Variants in TM9SF4 observed in about 807,000 individuals in gnomAD.
The protein encoded by TM9SF4 is dinucleotide oxidase disulfide thiol exchanger 3 superfamily member 4.
A neutral mutation model predicts 90.4 loss-of-function variants in TM9SF4; 26 were observed. The observed-to-expected ratio is 0.29, with a 90% CI of 0.21 to 0.40. The LOEUF is 0.40. Ranked by LOEUF, TM9SF4 falls within the 10% of genes least tolerant of loss-of-function variation. The probability of loss-of-function intolerance (pLI) is 1.00; values close to 1 mark genes in which losing one functional copy is unlikely to be tolerated. For synonymous variants in TM9SF4, 293 were observed against 315.4 expected (o/e 0.93, Z 0.75); for missense variants, 549 against 834.8 (o/e 0.66, Z 4.22).
intron 12 of TM9SF4, among the ~76,000 whole-genome samples, chr20:32,151,372 C>T (rs905112812): frequency 1.3e-5 from 2 of 152,028 alleles, no homozygotes; most frequent in African/African-American, 4.8e-5. Context: ...AGCAGAAAAG[C>T]GCGTAGCAAC....
chr20:32,152,866 A>G (rs1317588123), intron 12 of TM9SF4, among the ~76,000 whole-genome samples: 1 of 152,236 alleles, frequency 6.6e-6, no homozygotes, highest in African/African-American at 2.4e-5. Flanking sequence ...AAGTAGGGGC[A>G]GGTGTGTTGT....
At chr20:32,111,780 G>A (rs1015908250) in intron 1 of TM9SF4, among the ~76,000 whole-genome samples, 1 of 152,190 alleles carries the variant, frequency 6.6e-6, no homozygotes, top group Admixed American at 6.5e-5. Flanking sequence ...GAAATGGCAA[G>A]TGTAAGGGGC....
intron 9 of TM9SF4, among the ~76,000 whole-genome samples, chr20:32,148,494 G>A (rs1001329670): frequency 6.6e-6 from 1 of 151,982 alleles, no homozygotes; most frequent in Non-Finnish European, 1.5e-5. Context: ...AAAGCAGGAG[G>A]ATCACTTGAG....
intron 1 of TM9SF4, among the ~76,000 whole-genome samples, chr20:32,127,758 G>A (rs1490086792): frequency 6.6e-6 from 1 of 152,188 alleles, no homozygotes; most frequent in Non-Finnish European, 1.5e-5. Flanking sequence ...GAGCCCTTGA[G>A]TTCCCTAGGG....
rs553686291 is a variant in TM9SF4, at chr20:32,146,130, TA to T, written c.884-653del. On this transcript the variant is annotated intron_variant, in intron 8 of 17. Coordinates refer to ENST00000398022, the MANE Select transcript of TM9SF4 (RefSeq NM_014742.4). ...TTTACCAAAGGGCCAGCTGCTGAAC[TA>T]AGCACTTTACAAACATTTCAATCCC... Among the ~76,000 whole-genome samples, 220 of 152,288 alleles carry T rather than the reference TA, an allele frequency of 1.4e-3. 1 individual carries two copies. Among genetic ancestry groups the T allele is most frequent in the Non-Finnish European group, 2.5e-3 (167 of 68,022 alleles).
chr20:32,150,608 C>T lies in TM9SF4; in HGVS notation c.1088-14C>T. On this transcript the variant is annotated splice_polypyrimidine_tract_variant and intron_variant, in intron 10 of 17. Transcript: ENST00000398022. Reference sequence around the variant, plus strand: ...CTGCCTTTCTCTGCCCTTCCTCCCTCCCTCCCTCCACAGTTGTAGCCATGC... The same window carrying T: ...CTGCCTTTCTCTGCCCTTCCTCCCTTCCTCCCTCCACAGTTGTAGCCATGC... 4 of 1,614,098 alleles carry T rather than the reference C, an allele frequency of 2.5e-6. No homozygotes were observed. The highest frequency in any genetic ancestry group is 3.4e-6 in the Non-Finnish European group (4 of 1,180,000).
At chr20:32,148,892 G>A (rs6058534) in intron 9 of TM9SF4, among the ~76,000 whole-genome samples, 64,160 of 151,758 alleles carry the variant, frequency 0.42, 13,896 homozygotes, top group East Asian at 0.74. Context: ...GGATGGTCTC[G>A]ATCTCCTGAC....
intron 1 of TM9SF4, among the ~76,000 whole-genome samples, chr20:32,123,866 A>ATATATATATATATATATATTTTTTTTTT: frequency 3.1e-4 from 29 of 93,926 alleles, no homozygotes; most frequent in East Asian, 1.5e-3. Flanking sequence ...ATATATATAT[A>ATATATATATATATATATATTTTTTTTTT]TTTTTTTTTT....
At chr20:32,118,930 T>C (rs142652458) in intron 1 of TM9SF4, among the ~76,000 whole-genome samples, 1 of 151,476 alleles carries the variant, frequency 6.6e-6, no homozygotes, top group Admixed American at 6.6e-5. Context: ...TGCCCGTAAA[T>C]GTATTTATTT....
chr20:32,154,812 C>T (rs1313199514), intron 12 of TM9SF4, among the ~76,000 whole-genome samples: 1 of 152,210 alleles, frequency 6.6e-6, no homozygotes, highest in Non-Finnish European at 1.5e-5. Context: ...AGACACACTC[C>T]TCCCAAGGAG....
At chr20:32,156,750 G>A (rs1208197119) in intron 13 of TM9SF4, among the ~76,000 whole-genome samples, 3 of 151,776 alleles carry the variant, frequency 2.0e-5, no homozygotes, top group African/African-American at 7.3e-5. Flanking sequence ...TGGGACTACA[G>A]GTGTCACCAC....
intron 1 of TM9SF4, among the ~76,000 whole-genome samples, chr20:32,112,587 G>A (rs1480361996): frequency 6.6e-6 from 1 of 151,822 alleles, no homozygotes; most frequent in East Asian, 1.9e-4. Flanking sequence ...CCAGCTACTC[G>A]GGAGGCTGAG....
At chr20:32,136,446 G>C (rs1199002232) in intron 3 of TM9SF4, among the ~76,000 whole-genome samples, 1 of 152,088 alleles carries the variant, frequency 6.6e-6, no homozygotes, top group Non-Finnish European at 1.5e-5. Flanking sequence ...TCTTTGTTTT[G>C]GATCCACAGT....
chr20:32,162,276 A>G (rs189659864), intron 17 of TM9SF4, among the ~76,000 whole-genome samples: 2 of 152,322 alleles, frequency 1.3e-5, no homozygotes, highest in East Asian at 3.9e-4. Flanking sequence ...GAAGCTGGGA[A>G]TGCCGTTTCC....
chr20:32,122,761 C>T (rs1276211877), intron 1 of TM9SF4, among the ~76,000 whole-genome samples: 3 of 152,034 alleles, frequency 2.0e-5, no homozygotes, highest in Admixed American at 6.5e-5. Flanking sequence ...ACTTCCCAGA[C>T]GGGGTGGCGG....
At chr20:32,150,207 T>C (rs1175147609) in intron 10 of TM9SF4, among the ~76,000 whole-genome samples, 1 of 152,256 alleles carries the variant, frequency 6.6e-6, no homozygotes, top group Admixed American at 6.5e-5. Context: ...CCAAGCTTTG[T>C]GACCTTGGAC....
chr20:32,125,268 T>C (rs192496920), intron 1 of TM9SF4, among the ~76,000 whole-genome samples: 3 of 152,370 alleles, frequency 2.0e-5, no homozygotes, highest in African/African-American at 7.2e-5. Flanking sequence ...CTCTGTGAAC[T>C]TTATTTAATC....
chr20:32,155,288 T>C, intron 13 of TM9SF4, 102 bp downstream of exon 13: 1 of 1,004,978 alleles, frequency 1.0e-6, no homozygotes, highest in Non-Finnish European at 1.6e-6. Context: ...CCTTCCCTTT[T>C]CTGAGTCCCC....
At chr20:32,154,955 G>A (rs2046896892) in intron 12 of TM9SF4, 148 bp from the exon 13 acceptor site, 1 of 672,646 alleles carries the variant, frequency 1.5e-6, no homozygotes, top group South Asian at 1.7e-5. Context: ...TCAGTCTGAG[G>A]GTCAGGGAAT....
Sources: allele counts gnomAD v4.1 joint callset (sites outside exome capture counted in the v4.1 genomes callset), GRCh38; gene constraint gnomAD v4.1.1; transcripts MANE v1.5; gene names NCBI Gene and HGNC (gene_info 2026-07-23, HGNC 2026-07-21).